SIK2: variants seen among roughly 807,000 people sequenced by gnomAD.
The protein encoded by SIK2 is serine/threonine-protein kinase SIK2.
In SIK2, 29 loss-of-function variants were observed where a neutral mutation model predicts 103.2. The ratio of observed to expected loss-of-function variants is 0.28; its 90% confidence interval spans 0.21 to 0.38. SIK2 has a LOEUF of 0.38. SIK2 is among the 10% of genes least tolerant of loss of function. The pLI, the probability that SIK2 is intolerant of heterozygous loss-of-function variation, is 1.00. For synonymous variants in SIK2, 412 were observed against 446.1 expected (o/e 0.92, Z 0.96); for missense variants, 879 against 1,171.0 (o/e 0.75, Z 3.64).
intron 4 of SIK2, among the ~76,000 whole-genome samples, chr11:111,695,800 A>C (rs897035983): frequency 1.3e-5 from 2 of 152,224 alleles, no homozygotes; most frequent in African/African-American, 4.8e-5. Context: ...TTCCCATTAG[A>C]CAACAATCAT....
At position 111,727,016 on chromosome 11, in the gene SIK2, A is replaced by T; in HGVS notation, c.*2887A>T. The stretch of plus-strand genomic sequence containing the variant: ...CTAGCTCTGCAATTCCCAGCTGGGC[A>T]AGTGTGTCTCTAGTATCTCCACGCA... On this transcript the variant is annotated 3_prime_UTR_variant, in exon 15 of 15. Coordinates refer to ENST00000304987, the MANE Select transcript of SIK2 (RefSeq NM_015191.3). The T allele has an allele frequency of 1.2e-6, 2 of 1,614,196 alleles. No homozygotes were observed. The highest frequency in any genetic ancestry group is 1.7e-6 in the Non-Finnish European group (2 of 1,180,032).
chr11:111,691,168 G>A (rs370630418), intron 4 of SIK2, among the ~76,000 whole-genome samples: 1 of 152,268 alleles, frequency 6.6e-6, no homozygotes. Flanking sequence ...TGTTTCTGAT[G>A]TCATTGTGTG....
chr11:111,670,134 A>C (rs1942605739), intron 3 of SIK2, among the ~76,000 whole-genome samples: 1 of 152,192 alleles, frequency 6.6e-6, no homozygotes, highest in Non-Finnish European at 1.5e-5. Context: ...ATCCAACACT[A>C]GGTCTCATTT....
chr11:111,628,827 A>AATCT (rs1942000350), intron 3 of SIK2, among the ~76,000 whole-genome samples: 1 of 152,066 alleles, frequency 6.6e-6, no homozygotes, highest in Non-Finnish European at 1.5e-5. Context: ...TTTTAGACAC[A>AATCT]ATCTTTTGAA....
At chr11:111,649,895 A>C (rs762873264) in intron 3 of SIK2, among the ~76,000 whole-genome samples, 9 of 152,144 alleles carry the variant, frequency 5.9e-5, no homozygotes, top group Admixed American at 2.0e-4. Flanking sequence ...TAATTGTGCT[A>C]GGAGCTCTCA....
intron 3 of SIK2, among the ~76,000 whole-genome samples, chr11:111,626,836 GCTCTTAATTA>G (rs1021665065): frequency 6.6e-6 from 1 of 151,992 alleles, no homozygotes; most frequent in African/African-American, 2.4e-5. Flanking sequence ...AACATGCCTT[GCTCTTAATTA>G]CTCTTTATAA....
chr11:111,606,231 T>G (rs930504699), intron 1 of SIK2, among the ~76,000 whole-genome samples: 2 of 152,032 alleles, frequency 1.3e-5, no homozygotes, highest in African/African-American at 4.8e-5. Context: ...GTTTTTGTAT[T>G]CTATTTAAGA....
chr11:111,708,360 C>T (rs766365691), intron 8 of SIK2, among the ~76,000 whole-genome samples: 5 of 151,730 alleles, frequency 3.3e-5, no homozygotes, highest in African/African-American at 9.7e-5. Context: ...CCAGTCTGGG[C>T]GACACAGTGA....
intron 1 of SIK2, among the ~76,000 whole-genome samples, chr11:111,613,101 A>G (rs1226787122): frequency 6.6e-6 from 1 of 151,908 alleles, no homozygotes; most frequent in East Asian, 1.9e-4. Context: ...ACTTTTTAAT[A>G]TATGTCATAT....
chr11:111,711,493 C>T (rs1943494788), intron 8 of SIK2, among the ~76,000 whole-genome samples: 2 of 152,186 alleles, frequency 1.3e-5, no homozygotes, highest in Admixed American at 1.3e-4. Flanking sequence ...GACGTGAGAA[C>T]AGACTTCAAA....
chr11:111,657,874 A>T (rs1392325526), intron 3 of SIK2, among the ~76,000 whole-genome samples: 3 of 152,040 alleles, frequency 2.0e-5, no homozygotes, highest in Non-Finnish European at 2.9e-5. Flanking sequence ...AGATAGGAGG[A>T]GGAGATGTAA....
At chr11:111,693,236 G>C (rs1255425145) in intron 4 of SIK2, among the ~76,000 whole-genome samples, 1 of 152,074 alleles carries the variant, frequency 6.6e-6, no homozygotes, top group Admixed American at 6.6e-5. Context: ...GGAGGCTGAG[G>C]CAGGAGAGAA....
intron 4 of SIK2, among the ~76,000 whole-genome samples, chr11:111,691,677 C>T (rs1227153653): frequency 2.0e-5 from 3 of 152,202 alleles, no homozygotes; most frequent in African/African-American, 7.2e-5. Context: ...CACACACACA[C>T]ATGTGTGCAC....
chr11:111,602,966 T>G lies in SIK2; in HGVS notation c.135+268T>G, dbSNP rs1181327006. ...TTGCTTTCCCCTACGCCACCCCCGGTGGCCACCCGGAATTTCGCCCAGAGC... is the reference window on the plus strand; with the variant it reads ...TTGCTTTCCCCTACGCCACCCCCGGGGGCCACCCGGAATTTCGCCCAGAGC... On this transcript the variant is annotated intron_variant, in intron 1 of 14. Coordinates refer to ENST00000304987, the MANE Select transcript of SIK2 (RefSeq NM_015191.3). The surrounding 1 kb of genome is among the most constrained non-coding windows in gnomAD (Gnocchi z 4.5). Among the ~76,000 whole-genome samples the G allele has an allele frequency of 2.0e-5, 3 of 151,388 alleles. No individual in the cohort carries two copies. In the East Asian group the frequency reaches 5.9e-4, roughly 30 times the overall value.
chr11:111,602,728 G>A lies in SIK2; in HGVS notation c.135+30G>A. 6.8e-7 allele frequency: 1 copy of A among 1,479,368 alleles called. No individual in the cohort carries two copies. 91.6% of individuals were successfully genotyped at this position (1,479,368 alleles called of 1,614,324 possible). A position where few individuals can be genotyped will look rare whatever the true frequency, so the allele number is the denominator to read the frequency against. ...GGCCCGGGGCTCGGCGGGAGCGTCC[G>A]AGGCGAGGGTTCGGGAGAGGAGCTG... On this transcript the variant is annotated intron_variant, in intron 1 of 14. Transcript: ENST00000304987. The surrounding 1 kb of genome is among the most constrained non-coding windows in gnomAD (Gnocchi z 4.5).
At chr11:111,676,680 C>G (rs1046694448) in intron 3 of SIK2, among the ~76,000 whole-genome samples, 36 of 152,150 alleles carry the variant, frequency 2.4e-4, no homozygotes, top group African/African-American at 8.4e-4. Flanking sequence ...ATGTAGATAC[C>G]TTTAGAGTAC....
chr11:111,662,538 G>A (rs571307792), intron 3 of SIK2, among the ~76,000 whole-genome samples: 6 of 152,142 alleles, frequency 3.9e-5, no homozygotes, highest in East Asian at 3.9e-4. Context: ...CGCTTGAGCC[G>A]AAGAGTTTGA....
intron 8 of SIK2, among the ~76,000 whole-genome samples, chr11:111,707,478 T>A (rs1231331910): frequency 1.3e-5 from 2 of 152,206 alleles, no homozygotes; most frequent in Non-Finnish European, 2.9e-5. Flanking sequence ...TTGACCCAAG[T>A]CTCAATGGAA....
chr11:111,720,877 T>TG, intron 11 of SIK2, 22 bp from the exon 12 acceptor site: 1 of 1,610,614 alleles, frequency 6.2e-7, no homozygotes. Flanking sequence ...TTAAACTGTT[T>TG]GGTCTTGGTG....
Sources: gnomAD v4.1 joint callset for allele counts (sites outside exome capture counted in the v4.1 genomes callset) on GRCh38, gnomAD v4.1.1 for gene constraint, Gnocchi (gnomAD v3.1) non-coding constraint, MANE v1.5 for transcripts, NCBI Gene and HGNC (gene_info 2026-07-23, HGNC 2026-07-21) for gene names.